C5: variants seen among roughly 807,000 people sequenced by gnomAD.
C5 encodes the protein complement C5.
In C5, 140 loss-of-function variants were observed where a neutral mutation model predicts 218.8. The observed-to-expected ratio is 0.64, with a 90% CI of 0.56 to 0.74. The LOEUF (loss-of-function observed/expected upper bound fraction) is 0.74. C5 is among the 30% of genes least tolerant of loss of function. C5 has a pLI of 0.00. For synonymous variants in C5, 614 were observed against 682.3 expected (o/e 0.90, Z 1.56); for missense variants, 1,700 against 1,969.6 (o/e 0.86, Z 2.59).
At chr9:121,016,177 GGAA>G (rs773498108) in intron 15 of C5, 74 bp downstream of exon 15, 2 of 1,556,042 alleles carry the variant, frequency 1.3e-6, no homozygotes, top group Non-Finnish European at 1.8e-6. Context: ...AGAATATTTG[GGAA>G]GAAGGATAAA....
intron 14 of C5, 136 bp from the exon 15 acceptor site, chr9:121,016,519 C>T (rs565382511): frequency 9.0e-7 from 1 of 1,111,778 alleles, no homozygotes; most frequent in South Asian, 1.4e-5. Context: ...TGATCAAAGA[C>T]AAAATTTCCC....
At position 120,979,802 on chromosome 9, in the gene C5, C is replaced by T. The variant is rs1004474281; in HGVS notation, c.3658+281G>A. 6.7e-5 allele frequency: 26 copies of T among 387,008 alleles called. No homozygotes were observed. In the Admixed American group the frequency reaches 9.0e-4, roughly 13 times the overall value. 24.0% of individuals were successfully genotyped at this position (387,008 alleles called of 1,614,324 possible). ...ACTGAGGTGGGAAGATCACTTGAGC[C>T]CAGGAGATCGAGGCTGCAGTGAGCC... On this transcript the variant is annotated intron_variant, in intron 28 of 40. Coordinates refer to ENST00000223642, the MANE Select transcript of C5 (RefSeq NM_001735.3).
intron 7 of C5, among the ~76,000 whole-genome samples, chr9:121,027,700 G>A (rs2047436809): frequency 6.6e-6 from 1 of 152,114 alleles, no homozygotes; most frequent in African/African-American, 2.4e-5. Flanking sequence ...AATTCAAGAT[G>A]GATTAAAGAC....
chr9:121,002,416 C>G (rs1336929437), intron 20 of C5, among the ~76,000 whole-genome samples: 1 of 149,310 alleles, frequency 6.7e-6, no homozygotes, highest in Non-Finnish European at 1.5e-5. Flanking sequence ...GATCTCAATC[C>G]TACAGTTGAG....
Position 121,042,464 on chromosome 9 carries a change from G to A in C5, c.421+540C>T, listed in dbSNP as rs557770688. 2.6e-5 allele frequency among the ~76,000 whole-genome samples: 4 copies of A among 152,202 alleles called. No homozygotes were observed. In the East Asian group the frequency reaches 7.7e-4, roughly 29 times the overall value. ...CTCTGCTGAAATATCTGATCCCCTAGGTTAGATTTATTTTTCCAGTTTGGG... is the reference window on the plus strand; with the variant it reads ...CTCTGCTGAAATATCTGATCCCCTAAGTTAGATTTATTTTTCCAGTTTGGG... On this transcript the variant is annotated intron_variant, in intron 3 of 40. Coordinates refer to ENST00000223642, the MANE Select transcript of C5 (RefSeq NM_001735.3).
At chr9:121,073,511 CTTTTTTTTT>C in the C5 span, among the ~76,000 whole-genome samples, 45 of 73,014 alleles carry the variant, frequency 6.2e-4, no homozygotes, top group East Asian at 4.9e-3. Context: ...GAAAACTGGA[CTTTTTTTTT>C]TTTTTTTTTT....
chr9:120,993,437 T>TA (rs1564143163), intron 22 of C5, among the ~76,000 whole-genome samples: 12 of 144,558 alleles, frequency 8.3e-5, no homozygotes, highest in Non-Finnish European at 1.7e-4. Flanking sequence ...ATATATATAT[T>TA]TTTGAGACGG....
At chr9:121,024,803 C>T (rs1416157652) in intron 9 of C5, among the ~76,000 whole-genome samples, 3 of 152,190 alleles carry the variant, frequency 2.0e-5, no homozygotes, top group Non-Finnish European at 2.9e-5. Context: ...CTTTCTTCAC[C>T]TGTCTTATAC....
At chr9:121,021,732 C>T (rs2047367808) in intron 10 of C5, 38 bp from the exon 11 acceptor site, 1 of 1,472,888 alleles carries the variant, frequency 6.8e-7, no homozygotes, top group Non-Finnish European at 9.5e-7. Context: ...TTCAACAGCT[C>T]ATCACTTATT....
At chr9:121,026,644 C>G (rs913535239) in intron 8 of C5, among the ~76,000 whole-genome samples, 3 of 152,034 alleles carry the variant, frequency 2.0e-5, no homozygotes, top group African/African-American at 7.2e-5. Flanking sequence ...CCAAATGTCT[C>G]CTTGGGAATA....
rs41312855 is a variant in C5, at chr9:120,973,790, C to T, written c.4017+989G>A. Reference sequence around the variant, plus strand: ...GGTCAGGAGTTTGAGACCAGCCTGGCCAAATGGTGAAACCCCATATCTACC... The same window carrying T: ...GGTCAGGAGTTTGAGACCAGCCTGGTCAAATGGTGAAACCCCATATCTACC... On this transcript the variant is annotated intron_variant, in intron 30 of 40. Coordinates refer to ENST00000223642, the MANE Select transcript of C5 (RefSeq NM_001735.3). Among the ~76,000 whole-genome samples, 1,283 of 152,148 alleles carry T rather than the reference C, an allele frequency of 8.4e-3. 13 individuals are homozygous for T. Among genetic ancestry groups the T allele is most frequent in the African/African-American group, 0.029 (1,207 of 41,492 alleles).
rs371140993 is a variant in C5 at position 121,020,286 on chromosome 9, A to G, written c.1303-107T>C. The stretch of plus-strand genomic sequence containing the variant: ...GCTTTATAAATTTCTAAATTTCACA[A>G]TAACAAATGCTAAAGGGGAAAAAAC... On this transcript the variant is annotated intron_variant, in intron 11 of 40. Coordinates refer to ENST00000223642, the MANE Select transcript of C5 (RefSeq NM_001735.3). The G allele has an allele frequency of 1.9e-4, 174 of 931,102 alleles. 1 individual carries two copies. In the East Asian group the frequency reaches 1.9e-3, roughly 10 times the overall value. 57.7% of individuals were successfully genotyped at this position (931,102 alleles called of 1,614,324 possible). A position where few individuals can be genotyped will look rare whatever the true frequency, so the allele number is the denominator to read the frequency against.
chr9:120,957,243 T>C (rs765909770), intron 39 of C5, 42 bp downstream of exon 39: 1 of 1,307,194 alleles, frequency 7.6e-7, no homozygotes, highest in South Asian at 1.2e-5. Flanking sequence ...CAGTACTAAA[T>C]AGTTGCTGAA....
chr9:121,022,629 T>A (rs1341169458), intron 10 of C5, among the ~76,000 whole-genome samples: 1 of 149,896 alleles, frequency 6.7e-6, no homozygotes, highest in African/African-American at 2.4e-5. Flanking sequence ...AGTAACACAT[T>A]TTCAAAGAAC....
At chr9:121,044,374 G>A (rs1432849899) in intron 2 of C5, among the ~76,000 whole-genome samples, 1 of 152,158 alleles carries the variant, frequency 6.6e-6, no homozygotes, top group Non-Finnish European at 1.5e-5. Flanking sequence ...TACTTGAGAG[G>A]CTGAGGTGGG....
At chr9:120,988,737 G>A (rs1451526397) in intron 25 of C5, among the ~76,000 whole-genome samples, 1 of 152,186 alleles carries the variant, frequency 6.6e-6, no homozygotes, top group Non-Finnish European at 1.5e-5. Flanking sequence ...TTGCTGTGTT[G>A]AGTATATACT....
chr9:120,974,903 G>T lies in C5; in HGVS notation c.3893C>A (p.Thr1298Lys), dbSNP rs750246549. The T allele has an allele frequency of 6.2e-7, 1 of 1,614,168 alleles. No homozygotes were observed. Among genetic ancestry groups the T allele is most frequent in the South Asian group, 1.1e-5 (1 of 91,086 alleles). ...TTGTTTAACCAGGAGTGAATATTCC[G>T]TCAGGCCCTCAATGGCATTGATTGT... is the stretch of plus-strand genomic sequence containing the variant. ...QDTINAIEGL[T>K]EYSLLVKQLR... The change falls in exon 30 of 41, where the codon ACG (threonine) becomes AAG (lysine). Residue 1298 changes from threonine (T) to lysine (K), a missense_variant. Coordinates refer to ENST00000223642, the MANE Select transcript of C5 (RefSeq NM_001735.3).
chr9:121,018,391 T>C (rs2047327606), intron 12 of C5, among the ~76,000 whole-genome samples: 1 of 151,096 alleles, frequency 6.6e-6, no homozygotes, highest in Non-Finnish European at 1.5e-5. Flanking sequence ...CTGGCCAACA[T>C]GGTGAAACCC....
At chr9:120,982,576 T>A in intron 26 of C5, 79 bp downstream of exon 26, 31 of 1,122,300 alleles carry the variant, frequency 2.8e-5, no homozygotes, top group Admixed American at 6.0e-5. Flanking sequence ...CTTCTTCTTC[T>A]TCATCCTCCC....
Sources: allele counts gnomAD v4.1 joint callset (sites outside exome capture counted in the v4.1 genomes callset), GRCh38; gene constraint gnomAD v4.1.1; transcripts MANE v1.5; gene names NCBI Gene and HGNC (gene_info 2026-07-23, HGNC 2026-07-21).